Variants in EHF observed in about 807,000 individuals in gnomAD.
The protein encoded by EHF is ESE3 transcription factor.
Under a neutral mutation model 45.1 loss-of-function variants are expected in EHF, and 14 were observed. The observed-to-expected ratio is 0.31, with a 90% CI of 0.21 to 0.49. The LOEUF is 0.49. Ranked by LOEUF, EHF falls within the 20% of genes least tolerant of loss-of-function variation. The probability of loss-of-function intolerance (pLI) is 0.99; values close to 1 mark genes in which losing one functional copy is unlikely to be tolerated. For synonymous variants in EHF, 136 were observed against 131.8 expected (o/e 1.03, Z -0.22); for missense variants, 282 against 371.4 (o/e 0.76, Z 1.98).
At position 34,663,088 on chromosome 11, in the gene EHF, G is replaced by A. The variant is rs899203248; in HGVS notation, c.*4157G>A. ...TAATTCTTGTTTTTCTTTCCATCTG[G>A]CTCCTGGGTTGACAATTTGTGGAAA... On this transcript the variant is annotated 3_prime_UTR_variant, in exon 9 of 9. Transcript: ENST00000257831. Among the ~76,000 whole-genome samples the A allele has an allele frequency of 2.6e-5, 4 of 151,598 alleles. No homozygotes were observed. The highest frequency in any genetic ancestry group is 5.9e-5 in the Non-Finnish European group (4 of 67,926).
At chr11:34,627,985 A>C (rs1005315097) in intron 1 of EHF, among the ~76,000 whole-genome samples, 2 of 152,230 alleles carry the variant, frequency 1.3e-5, no homozygotes, top group African/African-American at 2.4e-5. Flanking sequence ...GGAAGCACAT[A>C]TATTGTTATC....
chr11:34,652,832 G>GCTGGGAGCCAATGTAAATGCTT (rs1351543762), intron 6 of EHF, among the ~76,000 whole-genome samples: 1 of 152,194 alleles, frequency 6.6e-6, no homozygotes, highest in Non-Finnish European at 1.5e-5. Flanking sequence ...ATGAGATGGG[G>GCTGGGAGCCAATGTAAATGCTT]CTGGGAGCCA....
rs998963615 is a variant in EHF, at chr11:34,657,869, A to T, written c.608-664A>T. ...CTGCTCTTTCACATAATCCCACAAA[A>T]CCATATTAATGCAACCCCTCGAAAG... On this transcript the variant is annotated intron_variant, in intron 7 of 8. Transcript: ENST00000257831. Among the ~76,000 whole-genome samples, 6 of 142,804 alleles carry T rather than the reference A, an allele frequency of 4.2e-5. No homozygotes were observed. In the Admixed American group the frequency reaches 4.2e-4, roughly 10 times the overall value. 93.7% of individuals were successfully genotyped at this position (142,804 alleles called of 152,430 possible).
At chr11:34,650,439 A>T (rs1855034418) in intron 4 of EHF, among the ~76,000 whole-genome samples, 1 of 152,140 alleles carries the variant, frequency 6.6e-6, no homozygotes, top group Non-Finnish European at 1.5e-5. Flanking sequence ...ACATGTAGCT[A>T]TTAGCTAAAA....
At chr11:34,634,769 T>C (rs1331167462) in intron 1 of EHF, among the ~76,000 whole-genome samples, 1 of 152,186 alleles carries the variant, frequency 6.6e-6, no homozygotes, top group East Asian at 1.9e-4. Flanking sequence ...TATATACATA[T>C]ATTTGTATAT....
chr11:34,632,553 C>G (rs978324943), intron 1 of EHF: 7 of 1,535,464 alleles, frequency 4.6e-6, no homozygotes, highest in South Asian at 1.2e-5. Context: ...TCTGCCAACT[C>G]CACGTCCTAG....
chr11:34,642,701 G>T lies in EHF; in HGVS notation c.71G>T (p.Trp24Leu). The T allele has an allele frequency of 6.2e-7, 1 of 1,614,002 alleles. No individual in the cohort carries two copies. ...AACCTCCTTCACCAGCCGCCAGCCT[G>T]GACAGACAGCTACTCCACGTGCAAT... is the stretch of plus-strand genomic sequence containing the variant. ...GNNLLHQPPAWTDSYSTCNVS... is the reference protein window; with the variant it reads ...GNNLLHQPPALTDSYSTCNVS... The change falls in exon 2 of 9, where the codon TGG becomes TTG. Residue 24 changes from tryptophan to leucine, a missense_variant. Around this residue, in one of 3 missense-constraint regions of EHF, gnomAD observed 213 missense variants for 247.3 expected, o/e 0.86. Transcript: ENST00000257831.
rs537907759 is a variant in EHF at position 34,660,592 on chromosome 11, G to C, written c.*1661G>C. ...TCCTGGAGACTTACCATTGAGCCATGCAATCTGGGAAGCACAGGAATAAGT... is the reference window on the plus strand; with the variant it reads ...TCCTGGAGACTTACCATTGAGCCATCCAATCTGGGAAGCACAGGAATAAGT... On this transcript the variant is annotated 3_prime_UTR_variant, in exon 9 of 9. Transcript: ENST00000257831. The C allele has an allele frequency of 6.6e-6, 1 of 152,320 alleles. No homozygotes were observed. The highest frequency in any genetic ancestry group is 1.9e-4 in the East Asian group (1 of 5,188). The allele number at this position is 152,320 out of a possible 1,614,324, so 9.4% of individuals were successfully genotyped here.
intron 4 of EHF, 109 bp downstream of exon 4, chr11:34,649,190 G>T: frequency 8.7e-7 from 1 of 1,151,898 alleles, no homozygotes; most frequent in Non-Finnish European, 1.3e-6. Flanking sequence ...AGGAAACACA[G>T]GGAGGCCTTT....
chr11:34,651,840 T>G (rs373011767), intron 6 of EHF, 35 bp downstream of exon 6: 2 of 1,590,966 alleles, frequency 1.3e-6, no homozygotes, highest in Non-Finnish European at 1.7e-6. Flanking sequence ...TGGGTATGCC[T>G]AATGCTTAGG....
At chr11:34,621,973 G>T (rs539295210) in intron 1 of EHF, 2 of 152,972 alleles carry the variant, frequency 1.3e-5, no homozygotes, top group African/African-American at 4.8e-5. Context: ...TTGGCAAAGG[G>T]CTTCACTGTG....
At chr11:34,625,097 C>G (rs145208352) in intron 1 of EHF, among the ~76,000 whole-genome samples, 6 of 152,148 alleles carry the variant, frequency 3.9e-5, no homozygotes, top group Admixed American at 1.3e-4. Flanking sequence ...GTGGGAGAAG[C>G]CTTCTAAGGA....
intron 1 of EHF, among the ~76,000 whole-genome samples, chr11:34,627,112 T>TTGTGTGTGTGTGTGTGTG (rs6144298): frequency 6.7e-6 from 1 of 148,582 alleles, no homozygotes; most frequent in Non-Finnish European, 1.5e-5. Flanking sequence ...GGATTTTGGT[T>TTGTGTGTGTGTGTGTGTG]TGTGTGTGTG....
At chr11:34,649,124 G>A (rs370700655) in intron 4 of EHF, 43 bp downstream of exon 4, 12 of 1,603,632 alleles carry the variant, frequency 7.5e-6, no homozygotes, top group Admixed American at 1.7e-5. Flanking sequence ...GCCTGGCAAA[G>A]CTCCGGGGAG....
intron 1 of EHF, among the ~76,000 whole-genome samples, chr11:34,638,563 T>A (rs1853672852): frequency 6.6e-6 from 1 of 152,158 alleles, no homozygotes; most frequent in African/African-American, 2.4e-5. Flanking sequence ...TTAACCAGTA[T>A]TCTCCACTGG....
At chr11:34,630,890 C>A (rs1168896679) in intron 1 of EHF, among the ~76,000 whole-genome samples, 1 of 152,134 alleles carries the variant, frequency 6.6e-6, no homozygotes, top group Admixed American at 6.5e-5. Context: ...CCCCCTCCCC[C>A]ATGAAGCCAG....
chr11:34,655,783 T>C lies in EHF; in HGVS notation c.545-1125T>C, dbSNP rs547488328. ...TTAATTAGGAGCTAATGGCTGGCAG[T>C]TCATAGCTTTTTTGAATAATAGGCT... On this transcript the variant is annotated intron_variant, in intron 6 of 8. Transcript: ENST00000257831. Among the ~76,000 whole-genome samples, 15 of 152,242 alleles carry C rather than the reference T, an allele frequency of 9.9e-5. No homozygotes were observed. The South Asian group carries it at 3.1e-3, about 32-fold the overall frequency.
In EHF at chr11:34,635,450, C is replaced by CTTTTTTT. The variant is rs56121359; in HGVS notation, c.-3-7166_-3-7160dup. Among the ~76,000 whole-genome samples the CTTTTTTT allele has an allele frequency of 6.0e-3, 684 of 113,132 alleles. 9 individuals carry two copies. The highest frequency in any genetic ancestry group is 0.016 in the African/African-American group (495 of 30,824). The allele number at this position is 113,132 out of a possible 152,430, so 74.2% of individuals were successfully genotyped here. A position where few individuals can be genotyped will look rare whatever the true frequency, so the allele number is the denominator to read the frequency against. ...CCTAGCCCCAATCCGAAACCTTATT[C>CTTTTTTT]TTTTTTTTTTTTTTTTTTGAGATGG... is the stretch of plus-strand genomic sequence containing the variant. On this transcript the variant is annotated intron_variant, in intron 1 of 8. Transcript: ENST00000257831.
In EHF at chr11:34,621,195, T is replaced by G. The variant is rs1320263226; in HGVS notation, c.-37T>G. The stretch of plus-strand genomic sequence containing the variant: ...CCTCCCCTCCAACAGCCACAGCTAT[T>G]GGATTTCCCACCCAGAATCTTTAGG... On this transcript the variant is annotated 5_prime_UTR_variant, in exon 1 of 9. It adds an upstream start codon to the 5' untranslated region. Transcript: ENST00000257831. 1 of 152,250 alleles carries G rather than the reference T, an allele frequency of 6.6e-6. No individual in the cohort carries two copies. Among genetic ancestry groups the G allele is most frequent in the African/African-American group, 2.4e-5 (1 of 41,466 alleles). The allele number at this position is 152,250 out of a possible 1,614,324, so 9.4% of individuals were successfully genotyped here. A position where few individuals can be genotyped will look rare whatever the true frequency, so the allele number is the denominator to read the frequency against.
Sources: allele counts gnomAD v4.1 joint callset (sites outside exome capture counted in the v4.1 genomes callset), GRCh38; gene constraint gnomAD v4.1.1; regional missense constraint gnomAD v4.1.1; transcripts MANE v1.5; gene names NCBI Gene and HGNC (gene_info 2026-07-23, HGNC 2026-07-21).